The following NREP variants were observed in gnomAD, a reference collection of about 807,000 sequenced individuals.
NREP encodes the protein neuronal regeneration related protein, also known as neuronal regeneration-related protein.
In NREP, 5 loss-of-function variants were observed where a neutral mutation model predicts 8.6. The observed-to-expected ratio is 0.58, with a 90% CI of 0.30 to 1.22. NREP has a LOEUF of 1.22. Among genes scored for constraint, NREP ranks in the 50% most tolerant of loss-of-function variants. The probability of loss-of-function intolerance (pLI) is 0.07; values close to 1 mark genes in which losing one functional copy is unlikely to be tolerated. For synonymous variants in NREP, 27 were observed against 28.0 expected (o/e 0.96, Z 0.11); for missense variants, 86 against 82.5 (o/e 1.04, Z -0.17).
At chr5:111,766,017 C>CA (rs1751074375) in intron 2 of NREP, among the ~76,000 whole-genome samples, 4 of 151,768 alleles carry the variant, frequency 2.6e-5, no homozygotes, top group African/African-American at 9.7e-5. Context: ...TGTCAGAAAA[C>CA]TAAAAAACTG....
intron 2 of NREP, among the ~76,000 whole-genome samples, chr5:111,790,062 A>G (rs981431436): frequency 6.6e-6 from 1 of 152,194 alleles, no homozygotes; most frequent in African/African-American, 2.4e-5. Context: ...AACAATTATG[A>G]GCAAATAATA....
chr5:111,735,560 A>C (rs532582470), intron 2 of NREP, 53 bp from the exon 3 acceptor site: 619 of 1,309,992 alleles, frequency 4.7e-4, no homozygotes, highest in Non-Finnish European at 6.6e-4. Flanking sequence ...ATCCACTCTG[A>C]AACTACACGG....
chr5:111,756,298 A>AG, intron 1 of NREP: 1 of 856,472 alleles, frequency 1.2e-6, no homozygotes, highest in Non-Finnish European at 1.4e-6. Context: ...TCCGTGTTTA[A>AG]AAAAAAAAAA....
intron 2 of NREP, among the ~76,000 whole-genome samples, chr5:111,785,972 G>A (rs187811495): frequency 1.2e-4 from 19 of 152,072 alleles, no homozygotes. Context: ...AATGAAGAGA[G>A]GTCACTCTCT....
chr5:111,906,173 T>C (rs779098247), intron 2 of NREP, among the ~76,000 whole-genome samples: 25 of 152,076 alleles, frequency 1.6e-4, no homozygotes, highest in Non-Finnish European at 2.9e-4. Flanking sequence ...AATATAACCA[T>C]TGTTTTATTT....
chr5:111,925,041 G>A (rs1755346179), intron 2 of NREP, among the ~76,000 whole-genome samples: 1 of 152,148 alleles, frequency 6.6e-6, no homozygotes, highest in Admixed American at 6.5e-5. Flanking sequence ...CCTTTCCTGA[G>A]ATGCCCTTCA....
intron 2 of NREP, among the ~76,000 whole-genome samples, chr5:111,915,976 C>A (rs1457402538): frequency 1.3e-5 from 2 of 151,988 alleles, no homozygotes. Flanking sequence ...ATTATTCATG[C>A]CACAAATGTG....
intron 2 of NREP, among the ~76,000 whole-genome samples, chr5:111,865,208 A>G (rs1753638262): frequency 6.6e-6 from 1 of 152,134 alleles, no homozygotes; most frequent in Non-Finnish European, 1.5e-5. Context: ...GGTGGATGCA[A>G]TGTGGACAAC....
At chr5:111,956,928 C>A (rs1245168277) in intron 2 of NREP, among the ~76,000 whole-genome samples, 1 of 151,568 alleles carries the variant, frequency 6.6e-6, no homozygotes, top group African/African-American at 2.4e-5. Flanking sequence ...TGCACCACTG[C>A]ACTCCAGCCT....
intron 2 of NREP, among the ~76,000 whole-genome samples, chr5:111,933,252 C>A (rs1265000872): frequency 6.6e-6 from 1 of 152,070 alleles, no homozygotes; most frequent in Non-Finnish European, 1.5e-5. Context: ...ACTTTGTCTG[C>A]CACCCGGGAA....
In NREP at chr5:111,885,184, GACAA is replaced by G. The variant is rs1346511274; in HGVS notation, c.135+90086_135+90089del. The stretch of plus-strand genomic sequence containing the variant: ...CAAGCATTCTTATACACCAATAACA[GACAA>G]ACAGAGAGCCAAATCATGAGTGAAC... On this transcript the variant is annotated intron_variant, in intron 2 of 3. Coordinates refer to the NREP transcript ENST00000395634. Among the ~76,000 whole-genome samples, 14 of 151,524 alleles carry G rather than the reference GACAA, an allele frequency of 9.2e-5. No homozygotes were observed. In the South Asian group the frequency reaches 1.5e-3, roughly 16 times the overall value.
At position 111,896,929 on chromosome 5, in the gene NREP, A is replaced by C. The variant is rs371929414; in HGVS notation, c.135+78345T>G. Among the ~76,000 whole-genome samples the C allele has an allele frequency of 2.3e-4, 35 of 152,278 alleles. No individual in the cohort carries two copies. In the East Asian group the frequency reaches 3.7e-3, roughly 16 times the overall value. ...GTCCCAGACAGCTCAGGAACCCTCA[A>C]TTAAATACCATATATTCTCTCAACA... is the stretch of plus-strand genomic sequence containing the variant. On this transcript the variant is annotated intron_variant, in intron 2 of 3. Coordinates refer to the NREP transcript ENST00000395634.
chr5:111,893,574 G>A (rs60756091), intron 2 of NREP, among the ~76,000 whole-genome samples: 1 of 150,794 alleles, frequency 6.6e-6, no homozygotes, highest in Non-Finnish European at 1.5e-5. Context: ...GAAATTCAAG[G>A]CCAAATAAAA....
At chr5:111,898,240 G>A (rs1754560101) in intron 2 of NREP, among the ~76,000 whole-genome samples, 1 of 152,166 alleles carries the variant, frequency 6.6e-6, no homozygotes, top group Non-Finnish European at 1.5e-5. Flanking sequence ...AATATGGAAG[G>A]AGGCGATTGC....
At chr5:111,809,250 T>C (rs1301927064) in intron 2 of NREP, among the ~76,000 whole-genome samples, 11 of 152,212 alleles carry the variant, frequency 7.2e-5, no homozygotes, top group Non-Finnish European at 1.6e-4. Flanking sequence ...AACCAAACCA[T>C]ATGTTCATTT....
intron 2 of NREP, among the ~76,000 whole-genome samples, chr5:111,904,799 G>A (rs1369226035): frequency 6.6e-6 from 1 of 152,004 alleles, no homozygotes; most frequent in Non-Finnish European, 1.5e-5. Context: ...TCCCTTCTCT[G>A]TTATCTCATT....
intron 2 of NREP, among the ~76,000 whole-genome samples, chr5:111,926,584 GC>G (rs1262354584): frequency 6.6e-6 from 1 of 151,948 alleles, no homozygotes; most frequent in Non-Finnish European, 1.5e-5. Context: ...TGGTAAGGCC[GC>G]CCCCTTGTGC....
At chr5:111,952,124 G>A (rs539880643) in intron 2 of NREP, among the ~76,000 whole-genome samples, 21 of 151,980 alleles carry the variant, frequency 1.4e-4, no homozygotes, top group Admixed American at 2.6e-4. Flanking sequence ...CTTTCCCGAC[G>A]AATCATACAA....
At chr5:111,905,952 A>G (rs1425551073) in intron 2 of NREP, among the ~76,000 whole-genome samples, 1 of 152,078 alleles carries the variant, frequency 6.6e-6, no homozygotes, top group Non-Finnish European at 1.5e-5. Flanking sequence ...TGGTTTTTGA[A>G]GTGGTAAAGT....
Sources: allele counts gnomAD v4.1 joint callset (sites outside exome capture counted in the v4.1 genomes callset), GRCh38; gene constraint gnomAD v4.1.1; transcripts MANE v1.5; gene names NCBI Gene and HGNC (gene_info 2026-07-23, HGNC 2026-07-21).